DNM3: variants seen among roughly 807,000 people sequenced by gnomAD.
DNM3 encodes the protein dynamin-3.
Under a neutral mutation model 101.6 loss-of-function variants are expected in DNM3, and 47 were observed. That is an observed-to-expected ratio of 0.46 (90% CI 0.37 to 0.59). DNM3 has a LOEUF of 0.59. Among genes scored for constraint, DNM3 ranks in the 20% least tolerant of loss-of-function variants. The pLI is 0.00. For synonymous variants in DNM3, 385 were observed against 387.9 expected, an observed-to-expected ratio of 0.99 and a Z score of 0.09; for missense variants, 849 against 1,085.7, an observed-to-expected ratio of 0.78 and a Z score of 3.06.
At chr1:172,398,265 C>T (rs1334251135) in intron 20 of DNM3, among the ~76,000 whole-genome samples, 2 of 152,166 alleles carry the variant, frequency 1.3e-5, no homozygotes, top group African/African-American at 4.8e-5. Flanking sequence ...CTCAGATGAT[C>T]CCTACGCCCA....
intron 15 of DNM3, among the ~76,000 whole-genome samples, chr1:172,266,279 A>G (rs1263532263): frequency 6.6e-6 from 1 of 152,200 alleles, no homozygotes; most frequent in Non-Finnish European, 1.5e-5. Context: ...TTAAATGAAT[A>G]TTCTGGGTGG....
At chr1:171,939,407 A>G (rs1268316885) in intron 2 of DNM3, among the ~76,000 whole-genome samples, 1 of 152,104 alleles carries the variant, frequency 6.6e-6, no homozygotes, top group East Asian at 1.9e-4. Context: ...TTTTAGGTTT[A>G]TTTGTCTCTT....
intron 20 of DNM3, chr1:172,393,816 T>C (rs1029135451): frequency 2.0e-5 from 3 of 152,664 alleles, no homozygotes; most frequent in Non-Finnish European, 4.4e-5. Context: ...GATGTTTTTT[T>C]AAGCATAATT....
intron 17 of DNM3, among the ~76,000 whole-genome samples, chr1:172,334,478 C>A (rs2066331686): frequency 6.6e-6 from 1 of 152,086 alleles, no homozygotes; most frequent in Non-Finnish European, 1.5e-5. Flanking sequence ...TCAAATGTGT[C>A]AATAGTGTCA....
chr1:172,215,220 C>T (rs148335073), intron 14 of DNM3, among the ~76,000 whole-genome samples: 2 of 152,190 alleles, frequency 1.3e-5, no homozygotes, highest in Admixed American at 6.5e-5. Context: ...ATGTCTATTG[C>T]ACTTTTGAAT....
intron 2 of DNM3, among the ~76,000 whole-genome samples, chr1:171,932,597 A>G (rs1045285073): frequency 1.3e-5 from 2 of 151,750 alleles, no homozygotes; most frequent in African/African-American, 4.8e-5. Flanking sequence ...TTTATTTTTT[A>G]TTGTTCTTTT....
intron 1 of DNM3, among the ~76,000 whole-genome samples, chr1:171,913,630 A>G (rs1425747756): frequency 6.6e-6 from 1 of 152,176 alleles, no homozygotes; most frequent in Non-Finnish European, 1.5e-5. Context: ...TCTTGACCTC[A>G]GTGCTTCTTG....
chr1:171,964,903 C>G (rs2043464511), intron 2 of DNM3, among the ~76,000 whole-genome samples: 1 of 151,636 alleles, frequency 6.6e-6, no homozygotes, highest in Non-Finnish European at 1.5e-5. Context: ...AAAACTGTGT[C>G]TCTGCTTATG....
intron 10 of DNM3, among the ~76,000 whole-genome samples, chr1:172,059,933 A>T (rs2051021686): frequency 7.2e-6 from 1 of 138,442 alleles, no homozygotes; most frequent in South Asian, 2.5e-4. Context: ...ACATGATTGT[A>T]TATCTAGAAA....
chr1:172,071,099 A>ATATATG (rs2052140954), intron 11 of DNM3, among the ~76,000 whole-genome samples: 1 of 129,692 alleles, frequency 7.7e-6, no homozygotes, highest in African/African-American at 3.3e-5. Flanking sequence ...ATATATATAT[A>ATATATG]TATATATATA....
chr1:172,309,302 A>T (rs1372157682), intron 16 of DNM3: 1 of 153,204 alleles, frequency 6.5e-6, no homozygotes, highest in Non-Finnish European at 1.5e-5. Flanking sequence ...CTGTGTGCAA[A>T]CTCTGTTTAA....
intron 17 of DNM3, among the ~76,000 whole-genome samples, chr1:172,362,721 C>A (rs1037754655): frequency 2.1e-4 from 32 of 151,486 alleles, no homozygotes; most frequent in African/African-American, 7.5e-4. Flanking sequence ...TTCTTTCAGC[C>A]CCCTTTCCAC....
intron 1 of DNM3, among the ~76,000 whole-genome samples, chr1:171,899,617 C>G (rs2038123698): frequency 6.6e-6 from 1 of 152,092 alleles, no homozygotes; most frequent in Admixed American, 6.5e-5. Context: ...GCAGGAAACA[C>G]AGAAATGTGG....
At chr1:172,281,718 A>C (rs1054785853) in intron 15 of DNM3, among the ~76,000 whole-genome samples, 1 of 152,098 alleles carries the variant, frequency 6.6e-6, no homozygotes, top group Non-Finnish European at 1.5e-5. Context: ...CCATAATTAT[A>C]GACTTCTGTT....
chr1:171,858,797 C>T (rs371477078), intron 1 of DNM3, among the ~76,000 whole-genome samples: 63 of 152,228 alleles, frequency 4.1e-4, no homozygotes, highest in African/African-American at 1.4e-3. Flanking sequence ...ACACTGAAAC[C>T]GCCCTTCCCA....
At position 172,408,952 on chromosome 1, in the gene DNM3, T is replaced by A; in HGVS notation, c.*1111T>A. 2.0e-6 allele frequency: 2 copies of A among 985,328 alleles called. No individual in the cohort carries two copies. The highest frequency in any genetic ancestry group is 2.4e-6 in the Non-Finnish European group (2 of 829,870). The allele number at this position is 985,328 out of a possible 1,614,324, so 61.0% of individuals were successfully genotyped here. ...ATGGGATAAGAGCAGAGCTCACACT[T>A]TTACAGTTGCAGTATTTCAAAGTCC... On this transcript the variant is annotated 3_prime_UTR_variant, in exon 21 of 21. Coordinates refer to ENST00000627582, the MANE Select transcript of DNM3 (RefSeq NM_015569.5).
chr1:172,083,277 T>TG (rs36090002), intron 12 of DNM3, among the ~76,000 whole-genome samples: 3,174 of 151,734 alleles, frequency 0.021, 101 homozygotes, highest in African/African-American at 0.071. Context: ...CTATAGTGGG[T>TG]GGGGGGGGAA....
chr1:171,870,675 G>A lies in DNM3; in HGVS notation c.161+28858G>A, dbSNP rs147344742. On this transcript the variant is annotated intron_variant, in intron 1 of 20. Coordinates refer to ENST00000627582, the MANE Select transcript of DNM3 (RefSeq NM_015569.5). Reference sequence around the variant, plus strand: ...AAAGGAGGTTTAGAGTAGTTCTTGAGCTCAAAATTATATTCTTCTGAGGAA... The same window carrying A: ...AAAGGAGGTTTAGAGTAGTTCTTGAACTCAAAATTATATTCTTCTGAGGAA... Among the ~76,000 whole-genome samples the A allele has an allele frequency of 5.9e-5, 9 of 152,102 alleles. No individual in the cohort carries two copies. In the East Asian group the frequency reaches 1.7e-3, roughly 29 times the overall value.
chr1:172,301,399 G>A (rs990879268), intron 15 of DNM3, among the ~76,000 whole-genome samples: 1 of 152,196 alleles, frequency 6.6e-6, no homozygotes, highest in Non-Finnish European at 1.5e-5. Context: ...CAACATGGGA[G>A]GCTGAGGTGG....
Sources: gnomAD v4.1 joint callset for allele counts (sites outside exome capture counted in the v4.1 genomes callset) on GRCh38, gnomAD v4.1.1 for gene constraint, MANE v1.5 for transcripts, NCBI Gene and HGNC (gene_info 2026-07-23, HGNC 2026-07-21) for gene names.